Variants in DOCK7 observed in about 807,000 individuals in gnomAD.
DOCK7 encodes the protein dedicator of cytokinesis 7, also known as dedicator of cytokinesis protein 7.
DOCK7 carries 138 observed loss-of-function variants against 271.0 expected under a neutral mutation model. The ratio of observed to expected loss-of-function variants is 0.51; its 90% CI spans 0.44 to 0.59. The LOEUF is 0.59. Ranked by LOEUF, DOCK7 falls within the 20% of genes least tolerant of loss-of-function variation. DOCK7 has a pLI of 0.00. For missense variants in DOCK7, 2,066 were observed against 2,592.4 expected (o/e 0.80, Z 4.41); for synonymous variants, 823 against 876.1 (o/e 0.94, Z 1.07).
chr1:62,630,044 A>G (rs931297228), intron 11 of DOCK7, among the ~76,000 whole-genome samples: 25 of 152,218 alleles, frequency 1.6e-4, no homozygotes, highest in African/African-American at 5.8e-4. Context: ...TGCACCCGAC[A>G]GCAGTAACTT....
intron 35 of DOCK7, among the ~76,000 whole-genome samples, chr1:62,506,566 C>T (rs551221110): frequency 2.7e-4 from 41 of 151,848 alleles, no homozygotes; most frequent in Non-Finnish European, 4.6e-4. Flanking sequence ...CGCCTCCTGG[C>T]TTCAAGCAAT....
chr1:62,645,587 G>C (rs537351264), intron 7 of DOCK7, among the ~76,000 whole-genome samples: 2 of 152,076 alleles, frequency 1.3e-5, no homozygotes, highest in African/African-American at 4.8e-5. Flanking sequence ...GATGATGAAA[G>C]AACTCTAAAA....
chr1:62,686,567 A>G (rs940171988), intron 1 of DOCK7, among the ~76,000 whole-genome samples: 6 of 152,216 alleles, frequency 3.9e-5, no homozygotes, highest in Admixed American at 1.3e-4. Flanking sequence ...TCCTGTCATC[A>G]TAACTCCCTG....
intron 8 of DOCK7, 93 bp downstream of exon 8, chr1:62,636,444 A>G (rs754860788): frequency 1.3e-5 from 12 of 912,960 alleles, no homozygotes; most frequent in Non-Finnish European, 2.0e-5. Flanking sequence ...TCTATGTTTA[A>G]CAGTTCTCAA....
Position 62,539,668 on chromosome 1 carries a change from A to C in DOCK7, c.3187-10T>G. The C allele has an allele frequency of 6.2e-7, 1 of 1,611,278 alleles. No homozygotes were observed. Among genetic ancestry groups the C allele is most frequent in the African/African-American group, 1.3e-5 (1 of 74,874 alleles). The stretch of plus-strand genomic sequence containing the variant: ...CAACCATTTCTGTGTCCTGTGAAAC[A>C]GAATATAAAACAAAAACAAATTAAA... On this transcript the variant is annotated splice_polypyrimidine_tract_variant and intron_variant, in intron 26 of 49. Transcript: ENST00000635253.
rs117318182 is a variant in DOCK7, at chr1:62,644,088, G to A, written c.818+3603C>T. 3.4e-3 allele frequency among the ~76,000 whole-genome samples: 512 copies of A among 152,150 alleles called. 15 individuals are homozygous for A. In the East Asian group the frequency reaches 0.07, roughly 21 times the overall value. On this transcript the variant is annotated intron_variant, in intron 7 of 49. Coordinates refer to ENST00000635253, the MANE Select transcript of DOCK7 (RefSeq NM_001367561.1). ...TGCAGTTTGTTTTGCCATGTTTGTT[G>A]ATTTACGACTGGAGCTGAAACTTTA...
Position 62,517,394 on chromosome 1 carries a change from G to A in DOCK7, c.3937-3496C>T, listed in dbSNP as rs562952288. 3.0e-4 allele frequency among the ~76,000 whole-genome samples: 46 copies of A among 152,204 alleles called. No individual in the cohort carries two copies. The South Asian group carries it at 3.1e-3, about 10-fold the overall frequency. On this transcript the variant is annotated intron_variant, in intron 31 of 49. Coordinates refer to ENST00000635253, the MANE Select transcript of DOCK7 (RefSeq NM_001367561.1). ...GTGGATCACCTGAAGTCAGGAGTTC[G>A]AGATCAGCCGGACCAAAATGGAGAA...
Position 62,688,221 on chromosome 1 carries a change from AT to A in DOCK7, c.38+5del. Reference sequence around the variant, plus strand: ...GGCGGCGGCGCGCCCCACGCCGGATATTTACCTGCTGATCTTCTGGGCGAAG... The same window carrying A: ...GGCGGCGGCGCGCCCCACGCCGGATATTACCTGCTGATCTTCTGGGCGAAG... On this transcript the variant is annotated splice_donor_5th_base_variant and intron_variant, in intron 1 of 49. Transcript: ENST00000635253. 7.3e-7 allele frequency: 1 copy of A among 1,377,952 alleles called. No homozygotes were observed. 85.4% of individuals were successfully genotyped at this position (1,377,952 alleles called of 1,614,324 possible). A position where few individuals can be genotyped will look rare whatever the true frequency, so the allele number is the denominator to read the frequency against.
intron 31 of DOCK7, among the ~76,000 whole-genome samples, chr1:62,519,743 A>C (rs1231151791): frequency 6.6e-6 from 1 of 152,158 alleles, no homozygotes; most frequent in Non-Finnish European, 1.5e-5. Context: ...AAGAGAATGC[A>C]ACTAAGTTGA....
intron 48 of DOCK7, among the ~76,000 whole-genome samples, chr1:62,463,494 A>G (rs1181191257): frequency 6.6e-6 from 1 of 152,192 alleles, no homozygotes; most frequent in Non-Finnish European, 1.5e-5. Flanking sequence ...ATGTATGTCC[A>G]GAAATAAGGT....
chr1:62,518,095 T>C (rs1442351763), intron 31 of DOCK7, among the ~76,000 whole-genome samples: 1 of 152,138 alleles, frequency 6.6e-6, no homozygotes, highest in Admixed American at 6.5e-5. Context: ...TATATATTCA[T>C]AAAAAGGTGA....
chr1:62,455,461 G>GA lies in DOCK7; in HGVS notation c.6381-6dup, dbSNP rs773882812. The GA allele has an allele frequency of 4.8e-4, 781 of 1,612,542 alleles. No homozygotes were observed. Among genetic ancestry groups the GA allele is most frequent in the Non-Finnish European group, 6.3e-4 (747 of 1,179,288 alleles). ...CTCATTCGACTGAAGGAATCTCTGG[G>GA]AAAAAAATGAGAGGACATAGTTAGT... On this transcript the variant is annotated splice_region_variant and splice_polypyrimidine_tract_variant and intron_variant, in intron 49 of 49. Coordinates refer to ENST00000635253, the MANE Select transcript of DOCK7 (RefSeq NM_001367561.1).
At chr1:62,642,238 A>G (rs940548892) in intron 7 of DOCK7, among the ~76,000 whole-genome samples, 1 of 151,628 alleles carries the variant, frequency 6.6e-6, no homozygotes, top group Non-Finnish European at 1.5e-5. Context: ...CCTCCCGAGT[A>G]GCTGGGATTA....
At chr1:62,466,867 G>A (rs1057351463) in intron 48 of DOCK7, among the ~76,000 whole-genome samples, 6 of 152,004 alleles carry the variant, frequency 3.9e-5, no homozygotes, top group African/African-American at 7.3e-5. Flanking sequence ...GCAGTGGGCC[G>A]AGATCGCGCC....
intron 11 of DOCK7, among the ~76,000 whole-genome samples, chr1:62,630,590 T>G (rs552976308): frequency 3.8e-4 from 58 of 152,118 alleles, no homozygotes; most frequent in African/African-American, 1.4e-3. Flanking sequence ...GCTTTGGGAT[T>G]TGGGAGGAAA....
chr1:62,636,392 C>A, intron 8 of DOCK7, 145 bp downstream of exon 8: 1 of 600,018 alleles, frequency 1.7e-6, no homozygotes, highest in South Asian at 2.3e-5. Flanking sequence ...AAATATTTAA[C>A]TAGTCCTAAT....
intron 48 of DOCK7, among the ~76,000 whole-genome samples, chr1:62,467,194 G>A (rs543715930): frequency 1.6e-3 from 244 of 152,318 alleles, no homozygotes; most frequent in Non-Finnish European, 2.7e-3. Context: ...ATTCCTGCTG[G>A]AGAAAACTGT....
intron 46 of DOCK7, 51 bp downstream of exon 46, chr1:62,475,656 G>T: frequency 6.7e-7 from 1 of 1,500,150 alleles, no homozygotes; most frequent in Non-Finnish European, 9.3e-7. Flanking sequence ...GTTGTTACAT[G>T]GCTTGAATGT....
Position 62,611,990 on chromosome 1 carries a change from C to CA in DOCK7, c.1682+6715dup, listed in dbSNP as rs11361002. Among the ~76,000 whole-genome samples the CA allele has an allele frequency of 3.5e-3, 458 of 129,812 alleles. 1 individual carries two copies. Among genetic ancestry groups the CA allele is most frequent in the Non-Finnish European group, 4.0e-3 (235 of 59,034 alleles). The allele number at this position is 129,812 out of a possible 152,430, so 85.2% of individuals were successfully genotyped here. A position where few individuals can be genotyped will look rare whatever the true frequency, so the allele number is the denominator to read the frequency against. Reference sequence around the variant, plus strand: ...TGAAATCCCATCTCTAGTAAAAATACAAAAAAAAAAAAAAAATTAGCTGGG... The same window carrying CA: ...TGAAATCCCATCTCTAGTAAAAATACAAAAAAAAAAAAAAAAATTAGCTGGG... On this transcript the variant is annotated intron_variant, in intron 14 of 49. Coordinates refer to ENST00000635253, the MANE Select transcript of DOCK7 (RefSeq NM_001367561.1).
Sources: allele counts gnomAD v4.1 joint callset (sites outside exome capture counted in the v4.1 genomes callset), GRCh38; gene constraint gnomAD v4.1.1; transcripts MANE v1.5; gene names NCBI Gene and HGNC (gene_info 2026-07-23, HGNC 2026-07-21).